PTPRD: variants seen among roughly 807,000 people sequenced by gnomAD.
PTPRD encodes receptor-type tyrosine-protein phosphatase delta.
A neutral mutation model predicts 214.5 loss-of-function variants in PTPRD; 34 were observed. That is an observed-to-expected ratio of 0.16 (90% CI 0.12 to 0.21). The LOEUF (loss-of-function observed/expected upper bound fraction) is 0.21. PTPRD is among the 10% of genes least tolerant of loss of function. The probability of loss-of-function intolerance (pLI) is 1.00; values close to 1 mark genes in which losing one functional copy is unlikely to be tolerated. For missense variants in PTPRD, 2,545 were observed against 2,398.7 expected (o/e 1.06, Z -1.27); for synonymous variants, 1,128 against 845.7 (o/e 1.33, Z -5.79).
intron 2 of PTPRD, among the ~76,000 whole-genome samples, chr9:10,347,322 T>C (rs2097102054): frequency 6.6e-6 from 1 of 152,166 alleles, no homozygotes; most frequent in Admixed American, 6.5e-5. Context: ...TAGATGTACA[T>C]AGTTTCAGGT....
rs1402621704 is a variant in PTPRD, at chr9:8,446,431, T to A, written c.3988+3294A>T. On this transcript the variant is annotated intron_variant, in intron 34 of 45. Transcript: ENST00000381196. ...ACTAAGCAATGTGCTTTCTTTACCT[T>A]CTGAAAGGCCTACTGAATTTCAAAT... 2.0e-5 allele frequency among the ~76,000 whole-genome samples: 3 copies of A among 152,334 alleles called. No homozygotes were observed. In the East Asian group the frequency reaches 5.8e-4, roughly 29 times the overall value.
chr9:10,152,396 T>A (rs1378168058), intron 3 of PTPRD, among the ~76,000 whole-genome samples: 1 of 152,226 alleles, frequency 6.6e-6, no homozygotes, highest in East Asian at 1.9e-4. Context: ...GAGTTCTTCA[T>A]ATATTTTGAT....
chr9:9,241,407 G>A (rs1271659539), intron 9 of PTPRD, among the ~76,000 whole-genome samples: 2 of 151,996 alleles, frequency 1.3e-5, no homozygotes, highest in African/African-American at 4.8e-5. Flanking sequence ...CTTTGTAATA[G>A]GATACAAGGG....
chr9:8,337,116 A>T (rs1051571087), intron 43 of PTPRD, among the ~76,000 whole-genome samples: 1 of 151,984 alleles, frequency 6.6e-6, no homozygotes, highest in Non-Finnish European at 1.5e-5. Flanking sequence ...CCAAAGGATT[A>T]TAAATCATTC....
intron 3 of PTPRD, among the ~76,000 whole-genome samples, chr9:10,299,983 C>G (rs1461364718): frequency 6.6e-6 from 1 of 152,072 alleles, no homozygotes; most frequent in Non-Finnish European, 1.5e-5. Flanking sequence ...TATAATATAT[C>G]TCTGAAAGGC....
intron 7 of PTPRD, among the ~76,000 whole-genome samples, chr9:9,684,662 A>C (rs2154399641): frequency 6.6e-6 from 1 of 151,418 alleles, no homozygotes. Flanking sequence ...ATTTGTTACA[A>C]ATTATTTTTA....
chr9:10,415,715 G>A (rs2098480834), intron 2 of PTPRD, among the ~76,000 whole-genome samples: 1 of 151,864 alleles, frequency 6.6e-6, no homozygotes, highest in South Asian at 2.1e-4. Context: ...AGCAACATAT[G>A]TAAATCTTAA....
intron 5 of PTPRD, among the ~76,000 whole-genome samples, chr9:9,881,558 T>C (rs912420896): frequency 2.0e-5 from 3 of 152,300 alleles, no homozygotes; most frequent in African/African-American, 2.4e-5. Flanking sequence ...GGGATGATTA[T>C]GTAAAGAACT....
intron 12 of PTPRD, among the ~76,000 whole-genome samples, chr9:8,716,437 A>T (rs1026201760): frequency 6.6e-6 from 1 of 152,204 alleles, no homozygotes; most frequent in African/African-American, 2.4e-5. Context: ...AATCAGCCCA[A>T]ATGTTTGCTG....
chr9:10,123,931 A>T (rs2098796209), intron 3 of PTPRD, among the ~76,000 whole-genome samples: 1 of 152,170 alleles, frequency 6.6e-6, no homozygotes, highest in East Asian at 1.9e-4. Context: ...ATTGATATTC[A>T]TGTTACTAGT....
At chr9:10,451,209 T>C (rs1314240096) in intron 2 of PTPRD, among the ~76,000 whole-genome samples, 1 of 151,932 alleles carries the variant, frequency 6.6e-6, no homozygotes, top group Non-Finnish European at 1.5e-5. Context: ...AATTTGAGGC[T>C]CTATTTTGAA....
In PTPRD at chr9:9,379,218, A is replaced by T. The variant is rs2061538156; in HGVS notation, c.-203+18231T>A. The stretch of plus-strand genomic sequence containing the variant: ...TGAGATATATATATATATGATATAT[A>T]TTTGATATATTTTATATATATATAT... On this transcript the variant is annotated intron_variant, in intron 9 of 45. Transcript: ENST00000381196. Among the ~76,000 whole-genome samples, 5 of 147,746 alleles carry T rather than the reference A, an allele frequency of 3.4e-5. No homozygotes were observed. In the Admixed American group the frequency reaches 3.4e-4, roughly 10 times the overall value.
chr9:10,479,468 G>A (rs2099082986), intron 2 of PTPRD, among the ~76,000 whole-genome samples: 1 of 151,888 alleles, frequency 6.6e-6, no homozygotes, highest in Non-Finnish European at 1.5e-5. Context: ...CTCTAACCCG[G>A]CACGACTTCA....
intron 8 of PTPRD, among the ~76,000 whole-genome samples, chr9:9,554,226 C>T (rs2080988175): frequency 6.6e-6 from 1 of 151,958 alleles, no homozygotes; most frequent in South Asian, 2.1e-4. Flanking sequence ...AATGTTGTGC[C>T]AATAAGGATG....
intron 35 of PTPRD, among the ~76,000 whole-genome samples, chr9:8,419,136 G>C (rs1016980190): frequency 5.3e-5 from 8 of 150,872 alleles, no homozygotes; most frequent in African/African-American, 2.0e-4. Context: ...CAGGAGAATA[G>C]TTTGAGCCCA....
chr9:10,161,648 C>T (rs530907845), intron 3 of PTPRD, among the ~76,000 whole-genome samples: 6 of 151,772 alleles, frequency 4.0e-5, no homozygotes, highest in East Asian at 1.9e-4. Flanking sequence ...AAAGAATTTT[C>T]GTGTAAGACC....
intron 5 of PTPRD, among the ~76,000 whole-genome samples, chr9:9,854,322 C>T (rs1258002014): frequency 6.6e-6 from 1 of 152,054 alleles, no homozygotes; most frequent in Non-Finnish European, 1.5e-5. Flanking sequence ...TTAAAACTAA[C>T]TTGTATTTGC....
chr9:9,589,946 C>T (rs574306093), intron 7 of PTPRD, among the ~76,000 whole-genome samples: 12 of 151,814 alleles, frequency 7.9e-5, no homozygotes, highest in African/African-American at 9.7e-5. Flanking sequence ...CTATCCAAAG[C>T]GCTCAAACTA....
intron 44 of PTPRD, among the ~76,000 whole-genome samples, chr9:8,322,534 C>G (rs1829436226): frequency 6.6e-6 from 1 of 152,168 alleles, no homozygotes; most frequent in African/African-American, 2.4e-5. Flanking sequence ...GGCCCTAACT[C>G]TCTTCAATTC....
Sources: gnomAD v4.1 joint callset for allele counts (sites outside exome capture counted in the v4.1 genomes callset) on GRCh38, gnomAD v4.1.1 for gene constraint, MANE v1.5 for transcripts, NCBI Gene and HGNC (gene_info 2026-07-23, HGNC 2026-07-21) for gene names.